NBAS: variants seen among roughly 807,000 people sequenced by gnomAD.
NBAS encodes NAG/BC035112 fusion.
A neutral mutation model predicts 302.5 loss-of-function variants in NBAS; 219 were observed. The observed-to-expected ratio is 0.72, with a 90% CI of 0.65 to 0.81. The LOEUF (loss-of-function observed/expected upper bound fraction) is 0.81. NBAS is among the 30% of genes least tolerant of loss of function. The pLI is 0.00. For synonymous variants in NBAS, 1,118 were observed against 1,021.6 expected, an observed-to-expected ratio of 1.09 and a Z score of -1.80; for missense variants, 2,932 against 2,841.6, an observed-to-expected ratio of 1.03 and a Z score of -0.72.
In NBAS at chr2:15,454,485, T is replaced by C. The variant is rs139719927; in HGVS notation, c.2339+6716A>G. On this transcript the variant is annotated intron_variant, in intron 21 of 51. Transcript: ENST00000281513. Reference sequence around the variant, plus strand: ...TCAGTTCTGCTATAATATTTTAAAATGCAAATTTATTCCAATGAATGGATG... The same window carrying C: ...TCAGTTCTGCTATAATATTTTAAAACGCAAATTTATTCCAATGAATGGATG... 5.2e-3 allele frequency among the ~76,000 whole-genome samples: 793 copies of C among 152,302 alleles called. 9 individuals carry two copies. The highest frequency in any genetic ancestry group is 0.018 in the African/African-American group (761 of 41,572).
the NBAS span, among the ~76,000 whole-genome samples, chr2:15,095,378 A>C: frequency 6.6e-6 from 1 of 152,176 alleles, no homozygotes; most frequent in Non-Finnish European, 1.5e-5. Context: ...ACAGCAGGCA[A>C]GAGAGAGAGA....
Position 15,189,630 on chromosome 2 carries a change from A to G in NBAS, c.6572+634T>C, listed in dbSNP as rs148116393. 6.2e-3 allele frequency among the ~76,000 whole-genome samples: 945 copies of G among 152,284 alleles called. 4 individuals carry two copies. The highest frequency in any genetic ancestry group is 9.5e-3 in the Non-Finnish European group (647 of 68,026). ...AGGAAAGGGGTATGTTCCATGGCTGATACCACCAGGACTGGATAAGTACCC... is the reference window on the plus strand; with the variant it reads ...AGGAAAGGGGTATGTTCCATGGCTGGTACCACCAGGACTGGATAAGTACCC... On this transcript the variant is annotated intron_variant, in intron 49 of 51. Coordinates refer to ENST00000281513, the MANE Select transcript of NBAS (RefSeq NM_015909.4).
the NBAS span, among the ~76,000 whole-genome samples, chr2:15,114,551 G>C: frequency 8.5e-5 from 13 of 152,160 alleles, no homozygotes; most frequent in Admixed American, 2.6e-4. Context: ...CCCATAACAG[G>C]AGCCTGTGGA....
chr2:14,904,028 A>G, the NBAS span, among the ~76,000 whole-genome samples: 1 of 152,188 alleles, frequency 6.6e-6, no homozygotes. Flanking sequence ...CCTTCTGGAC[A>G]CTCAGAGAAA....
At position 15,467,790 on chromosome 2, in the gene NBAS, C is replaced by G; in HGVS notation, c.1892G>C (p.Gly631Ala). Reference sequence around the variant, plus strand: ...GGAGATACTGTCAATGTCTATTTCACCAGGTAATGTAAATCTGCAAGTATA... The same window carrying G: ...GGAGATACTGTCAATGTCTATTTCAGCAGGTAATGTAAATCTGCAAGTATA... ...GADDGRFTLP[G>A]EIDIDSISYE... Residue 631 changes from glycine (G) to alanine (A), a missense_variant, in exon 18 of 52, where the codon GGT becomes GCT. Coordinates refer to ENST00000281513, the MANE Select transcript of NBAS (RefSeq NM_015909.4). The G allele has an allele frequency of 6.3e-7, 1 of 1,590,594 alleles. No homozygotes were observed. The highest frequency in any genetic ancestry group is 8.6e-7 in the Non-Finnish European group (1 of 1,159,420).
At chr2:15,492,846 C>T (rs1438179372) in intron 11 of NBAS, among the ~76,000 whole-genome samples, 4 of 152,110 alleles carry the variant, frequency 2.6e-5, no homozygotes, top group Non-Finnish European at 5.9e-5. Context: ...TAACTGTGGA[C>T]CAAAATCTCA....
the NBAS span, among the ~76,000 whole-genome samples, chr2:14,943,886 A>G: frequency 2.0e-5 from 3 of 152,198 alleles, no homozygotes; most frequent in African/African-American, 7.2e-5. Context: ...ACAGCAAACA[A>G]GGAGTAGGCA....
At chr2:15,323,047 A>T (rs1225135359) in intron 38 of NBAS, among the ~76,000 whole-genome samples, 6 of 152,224 alleles carry the variant, frequency 3.9e-5, no homozygotes, top group South Asian at 2.1e-4. Context: ...TTAACTCCTT[A>T]GTAGACTCAG....
In NBAS at chr2:15,463,791, A is replaced by T. The variant is rs553301921; in HGVS notation, c.2098-2000T>A. Reference sequence around the variant, plus strand: ...CCTCATTCAAATGAACCAAATGCAAAAAAAAAAAAAAAAAGCACCAGGAAA... The same window carrying T: ...CCTCATTCAAATGAACCAAATGCAATAAAAAAAAAAAAAAGCACCAGGAAA... On this transcript the variant is annotated intron_variant, in intron 19 of 51. Coordinates refer to ENST00000281513, the MANE Select transcript of NBAS (RefSeq NM_015909.4). 1.8e-3 allele frequency among the ~76,000 whole-genome samples: 275 copies of T among 150,466 alleles called. 2 individuals carry two copies. Among genetic ancestry groups the T allele is most frequent in the Non-Finnish European group, 2.4e-3 (164 of 67,612 alleles).
chr2:15,152,240 T>C, the NBAS span, among the ~76,000 whole-genome samples: 2 of 152,198 alleles, frequency 1.3e-5, no homozygotes, highest in Non-Finnish European at 2.9e-5. Flanking sequence ...ATGTTGAGAA[T>C]TGTAAATTCC....
chr2:15,046,097 C>T, the NBAS span, among the ~76,000 whole-genome samples: 12 of 152,150 alleles, frequency 7.9e-5, no homozygotes, highest in African/African-American at 2.9e-4. Flanking sequence ...CCTTAGACTC[C>T]TCACAAGTCA....
At chr2:15,215,804 C>T (rs1280171967) in intron 48 of NBAS, among the ~76,000 whole-genome samples, 1 of 152,054 alleles carries the variant, frequency 6.6e-6, no homozygotes. Context: ...AAGAATCTTC[C>T]CCCAAATTCT....
At chr2:15,520,380 T>G (rs1662606559) in intron 9 of NBAS, among the ~76,000 whole-genome samples, 1 of 152,026 alleles carries the variant, frequency 6.6e-6, no homozygotes, top group African/African-American at 2.4e-5. Context: ...CACTCAAATA[T>G]GAAAGACAGA....
chr2:14,975,803 G>C, the NBAS span, among the ~76,000 whole-genome samples: 4 of 151,196 alleles, frequency 2.6e-5, no homozygotes, highest in South Asian at 6.3e-4. Flanking sequence ...TGGCTACTCA[G>C]CCATTGTTTC....
At chr2:15,227,950 C>T (rs1261599392) in intron 47 of NBAS, among the ~76,000 whole-genome samples, 3 of 151,622 alleles carry the variant, frequency 2.0e-5, no homozygotes, top group Admixed American at 2.0e-4. Context: ...TGAATAAGAC[C>T]CCAAAAGCTC....
chr2:15,092,597 G>T, the NBAS span, among the ~76,000 whole-genome samples: 1 of 152,014 alleles, frequency 6.6e-6, no homozygotes, highest in African/African-American at 2.4e-5. Context: ...CTTTTCAGCT[G>T]TGTCTTTGAA....
the NBAS span, among the ~76,000 whole-genome samples, chr2:14,923,684 G>A: frequency 0.27 from 40,931 of 152,000 alleles, 5,580 homozygotes; most frequent in African/African-American, 0.32. Flanking sequence ...AAAGAGATGG[G>A]GATTCCTAGA....
the NBAS span, among the ~76,000 whole-genome samples, chr2:15,002,795 G>A: frequency 1.3e-5 from 2 of 152,206 alleles, no homozygotes; most frequent in African/African-American, 4.8e-5. Context: ...GCCCCTCATT[G>A]CCCAGGGCCG....
chr2:14,783,312 CTTT>C, the NBAS span, among the ~76,000 whole-genome samples: 1 of 150,970 alleles, frequency 6.6e-6, no homozygotes, highest in Non-Finnish European at 1.5e-5. Context: ...CCTCCAAATT[CTTT>C]TTTTTATTAT....
Sources: gnomAD v4.1 joint callset for allele counts (sites outside exome capture counted in the v4.1 genomes callset) on GRCh38, gnomAD v4.1.1 for gene constraint, MANE v1.5 for transcripts, NCBI Gene and HGNC (gene_info 2026-07-23, HGNC 2026-07-21) for gene names.